Variants in PBX1 observed in about 807,000 individuals in gnomAD.
PBX1 encodes pre-B-cell leukemia transcription factor 1.
Under a neutral mutation model 53.4 loss-of-function variants are expected in PBX1, and 6 were observed. That is an observed-to-expected ratio of 0.11 (90% CI 0.06 to 0.22). PBX1 has a LOEUF of 0.22. Ranked by LOEUF, PBX1 falls within the 10% of genes least tolerant of loss-of-function variation. PBX1 has a pLI of 1.00. For missense variants in PBX1, 251 were observed against 551.4 expected (o/e 0.46, Z 5.46); for synonymous variants, 204 against 212.3 (o/e 0.96, Z 0.34).
intron 2 of PBX1, among the ~76,000 whole-genome samples, chr1:164,873,413 C>G (rs566383937): frequency 3.2e-4 from 49 of 152,316 alleles, no homozygotes; most frequent in African/African-American, 1.1e-3. Context: ...GTTCCATGAG[C>G]CCCCTTACCA....
At chr1:164,861,321 C>T (rs1672091590) in intron 2 of PBX1, among the ~76,000 whole-genome samples, 1 of 152,112 alleles carries the variant, frequency 6.6e-6, no homozygotes. Context: ...AGCAGCTCTG[C>T]TTAACTCACT....
At chr1:164,817,063 T>A (rs1353237830) in intron 6 of PBX1, 1 of 151,514 alleles carries the variant, frequency 6.6e-6, no homozygotes, top group Non-Finnish European at 1.5e-5. Context: ...GCCCCAAATG[T>A]CTGGGTGGCA....
chr1:164,645,839 T>G (rs1265023514), intron 2 of PBX1, among the ~76,000 whole-genome samples: 1 of 152,208 alleles, frequency 6.6e-6, no homozygotes, highest in Non-Finnish European at 1.5e-5. Context: ...TTTTTAACTT[T>G]CTTCAGTCCA....
At chr1:164,701,715 A>G (rs531937524) in intron 2 of PBX1, among the ~76,000 whole-genome samples, 1 of 152,206 alleles carries the variant, frequency 6.6e-6, no homozygotes, top group African/African-American at 2.4e-5. Flanking sequence ...CCCTCACTTC[A>G]TCAGCACATG....
rs566495891 is a variant in PBX1, at chr1:164,628,596, C to T, written c.265+65285C>T. Among the ~76,000 whole-genome samples the T allele has an allele frequency of 3.9e-5, 6 of 152,130 alleles. No individual in the cohort carries two copies. The South Asian group carries it at 1.2e-3, about 32-fold the overall frequency. ...TTGATGGGATGTGGAATTTGATAGC[C>T]GATAAATTAAGGATATTGGTAAATG... On this transcript the variant is annotated intron_variant, in intron 2 of 8. Coordinates refer to ENST00000420696, the MANE Select transcript of PBX1 (RefSeq NM_002585.4).
chr1:164,833,347 G>A lies in PBX1; in HGVS notation c.1200+11721G>A, dbSNP rs151271202. Among the ~76,000 whole-genome samples, 242 of 152,208 alleles carry A rather than the reference G, an allele frequency of 1.6e-3. 2 individuals carry two copies. Among genetic ancestry groups the A allele is most frequent in the East Asian group, 0.015 (80 of 5,172 alleles). The stretch of plus-strand genomic sequence containing the variant: ...ACTTTTCTTCAGATCACAGGTTCCC[G>A]AAGTGGCTAGCGTTATAAAATGAGC... On this transcript the variant is annotated intron_variant, in intron 8 of 8. Coordinates refer to ENST00000420696, the MANE Select transcript of PBX1 (RefSeq NM_002585.4).
At chr1:164,807,113 TG>T (rs1669395124) in intron 4 of PBX1, among the ~76,000 whole-genome samples, 1 of 151,974 alleles carries the variant, frequency 6.6e-6, no homozygotes, top group Admixed American at 6.6e-5. Context: ...AAAAATTAGC[TG>T]GGTGTTGTGG....
chr1:164,768,789 C>T (rs189995006), intron 2 of PBX1, among the ~76,000 whole-genome samples: 70 of 152,346 alleles, frequency 4.6e-4, no homozygotes, highest in Non-Finnish European at 4.4e-5. Flanking sequence ...ATCCATTCAT[C>T]ACGCCTGTAA....
intron 2 of PBX1, among the ~76,000 whole-genome samples, chr1:164,785,622 G>A (rs983558272): frequency 3.9e-5 from 6 of 152,218 alleles, no homozygotes; most frequent in Admixed American, 2.0e-4. Context: ...CGAGGGACTG[G>A]AGGAGCGTAA....
chr1:164,661,717 G>A (rs1184976911), intron 2 of PBX1, among the ~76,000 whole-genome samples: 74 of 152,108 alleles, frequency 4.9e-4, no homozygotes, highest in Admixed American at 4.6e-3. Context: ...GTGAGCCACT[G>A]TGCCCAGCCA....
chr1:164,724,943 C>G lies in PBX1; in HGVS notation c.266-67551C>G, dbSNP rs565612539. On this transcript the variant is annotated intron_variant, in intron 2 of 8. Coordinates refer to ENST00000420696, the MANE Select transcript of PBX1 (RefSeq NM_002585.4). ...GTACTCTGCAGACAATTGCTCGGAT[C>G]CCTTTATTGTCTTTTTAAAGATGCC... Among the ~76,000 whole-genome samples, 154 of 152,034 alleles carry G rather than the reference C, an allele frequency of 1.0e-3. No homozygotes were observed. The Middle Eastern group carries it at 0.01, about 10-fold the overall frequency.
intron 2 of PBX1, among the ~76,000 whole-genome samples, chr1:164,736,307 G>T (rs969963655): frequency 2.0e-5 from 3 of 152,120 alleles, no homozygotes; most frequent in African/African-American, 7.2e-5. Context: ...TGTGTCCGCT[G>T]GCCCTGGAAT....
chr1:164,877,141 T>C (rs1672532480), intron 2 of PBX1, among the ~76,000 whole-genome samples: 1 of 151,726 alleles, frequency 6.6e-6, no homozygotes, highest in Non-Finnish European at 1.5e-5. Flanking sequence ...CTGAATTTTG[T>C]CAAGTAACTT....
At chr1:164,714,769 C>T (rs1275785735) in intron 2 of PBX1, among the ~76,000 whole-genome samples, 3 of 152,126 alleles carry the variant, frequency 2.0e-5, no homozygotes, top group Non-Finnish European at 4.4e-5. Flanking sequence ...CTGGAAGAAC[C>T]CACTCTGAAG....
At chr1:164,577,531 C>G (rs1034588493) in intron 2 of PBX1, among the ~76,000 whole-genome samples, 1 of 152,210 alleles carries the variant, frequency 6.6e-6, no homozygotes, top group African/African-American at 2.4e-5. Context: ...ATACACATGC[C>G]TAAGCCATAT....
intron 2 of PBX1, among the ~76,000 whole-genome samples, chr1:164,685,174 C>T (rs2102007097): frequency 6.6e-6 from 1 of 152,264 alleles, no homozygotes; most frequent in African/African-American, 2.4e-5. Flanking sequence ...ATGTCTAAGT[C>T]ATACAAAAGC....
chr1:164,824,770 A>T (rs530230566), intron 8 of PBX1, among the ~76,000 whole-genome samples: 2 of 152,266 alleles, frequency 1.3e-5, no homozygotes, highest in South Asian at 2.1e-4. Context: ...GGCTCTAAGT[A>T]ATGGAGGGAG....
chr1:164,863,813 C>T (rs187973497), intron 2 of PBX1, among the ~76,000 whole-genome samples: 92 of 152,240 alleles, frequency 6.0e-4, no homozygotes, highest in Non-Finnish European at 1.2e-3. Flanking sequence ...ATGAGGAAGA[C>T]AGGGAGGTCG....
chr1:164,696,778 T>C (rs942699330), intron 2 of PBX1, among the ~76,000 whole-genome samples: 5 of 152,214 alleles, frequency 3.3e-5, no homozygotes, highest in Non-Finnish European at 7.3e-5. Context: ...CTGACTTTCA[T>C]AGGATAGCGC....
Sources: allele counts gnomAD v4.1 joint callset (sites outside exome capture counted in the v4.1 genomes callset), GRCh38; gene constraint gnomAD v4.1.1; transcripts MANE v1.5; gene names NCBI Gene and HGNC (gene_info 2026-07-23, HGNC 2026-07-21).